Variants in ZNF568 observed in about 807,000 individuals in gnomAD.
The protein encoded by ZNF568 is zinc finger protein 568, also known as p53 inhibitor of SCO2 activation.
A neutral mutation model predicts 18.1 loss-of-function variants in ZNF568; 11 were observed. The ratio of observed to expected loss-of-function variants is 0.61; its 90% CI spans 0.38 to 1.00. ZNF568 has a LOEUF of 1.00. ZNF568 is among the 50% of genes least tolerant of loss of function. The pLI, the probability that ZNF568 is intolerant of heterozygous loss-of-function variation, is 0.01. For missense variants in ZNF568, 639 were observed against 768.2 expected (o/e 0.83, Z 1.99); for synonymous variants, 213 against 246.6 (o/e 0.86, Z 1.28).
chr19:36,986,156 T>A lies in ZNF568; in HGVS notation c.10-5020T>A, dbSNP rs1380452119. On this transcript the variant is annotated intron_variant, in intron 2 of 4. Coordinates refer to the ZNF568 transcript ENST00000433993. ...GTGAGGGCTGGCTTGTAGTTACAGT[T>A]CCTCAGAGGAAAATGTTTCCCTTCT... Among the ~76,000 whole-genome samples the A allele has an allele frequency of 2.6e-5, 4 of 152,152 alleles. No individual in the cohort carries two copies. The East Asian group carries it at 7.7e-4, about 29-fold the overall frequency.
At chr19:36,974,351 T>G in intron 6 of ZNF568, 1 of 1,391,658 alleles carries the variant, frequency 7.2e-7, no homozygotes, top group Non-Finnish European at 9.8e-7. Context: ...GGCAGGAGTT[T>G]GGCCTCCCAA....
intron 7 of ZNF568, chr19:36,976,265 C>T (rs1600847117): frequency 6.6e-6 from 1 of 151,716 alleles, no homozygotes; most frequent in Non-Finnish European, 1.5e-5. Flanking sequence ...ATACTACTAA[C>T]AGAAGTAGCT....
rs768811390 is a variant in ZNF568 at position 36,937,182 on chromosome 19, T to C, written c.298T>C (p.Leu100=). 9 of 1,613,948 alleles carry C rather than the reference T, an allele frequency of 5.6e-6. No individual in the cohort carries two copies. The highest frequency in any genetic ancestry group is 6.8e-6 in the Non-Finnish European group (8 of 1,179,964). Residue 100 remains leucine, a synonymous_variant, in exon 6 of 7, where the codon TTG becomes CTG. Coordinates refer to ENST00000333987, the MANE Select transcript of ZNF568 (RefSeq NM_198539.4). ...QVTKPDVIFK[L]EQEEEPWVME... The stretch of plus-strand genomic sequence containing the variant: ...CACCAAACCGGATGTGATATTCAAG[T>C]TGGAGCAAGAAGAGGAGCCCTGGGT...
At chr19:36,927,856 GTGTGTA>G (rs1436050364) in intron 4 of ZNF568, among the ~76,000 whole-genome samples, 2 of 31,268 alleles carry the variant, frequency 6.4e-5, no homozygotes, top group Admixed American at 4.5e-4. Context: ...GTGTGTGTGT[GTGTGTA>G]TATATATATA....
chr19:36,966,178 C>T (rs1042057943), intron 6 of ZNF568, among the ~76,000 whole-genome samples: 2 of 151,968 alleles, frequency 1.3e-5, no homozygotes, highest in East Asian at 2.0e-4. Context: ...CCCAACTACT[C>T]GGGTGGCTGA....
intron 2 of ZNF568, among the ~76,000 whole-genome samples, chr19:36,985,596 C>G (rs572632610): frequency 2.0e-5 from 3 of 152,328 alleles, no homozygotes; most frequent in African/African-American, 7.2e-5. Flanking sequence ...GATCTTGGCT[C>G]ACTGCAGCCT....
intron 6 of ZNF568, among the ~76,000 whole-genome samples, chr19:36,958,060 ATG>A (rs2074120797): frequency 6.6e-6 from 1 of 152,106 alleles, no homozygotes; most frequent in South Asian, 2.1e-4. Context: ...TAGCCTCTTG[ATG>A]TTATGAATGA....
chr19:36,925,348 A>C, intron 4 of ZNF568, 90 bp downstream of exon 4: 1 of 1,148,518 alleles, frequency 8.7e-7, no homozygotes, highest in Non-Finnish European at 1.3e-6. Flanking sequence ...TGGAAAAAAT[A>C]AATTGATGAA....
In ZNF568 at chr19:36,927,494, C is replaced by G. The variant is rs568686838; in HGVS notation, c.135+2236C>G. On this transcript the variant is annotated intron_variant, in intron 4 of 6. Transcript: ENST00000333987. The stretch of plus-strand genomic sequence containing the variant: ...TTTGTGATGCCACCTTTACTGTATA[C>G]ATACATGATGGTTTCTAGGCTTTTA... 2.6e-5 allele frequency among the ~76,000 whole-genome samples: 4 copies of G among 152,144 alleles called. No individual in the cohort carries two copies. In the East Asian group the frequency reaches 7.7e-4, roughly 29 times the overall value.
chr19:36,925,116 T>C, intron 3 of ZNF568, 84 bp from the exon 4 acceptor site: 1 of 1,208,672 alleles, frequency 8.3e-7, no homozygotes, highest in East Asian at 2.3e-5. Context: ...CTGTAGAGGG[T>C]CTTCTAGCCA....
At chr19:36,922,988 T>C in intron 3 of ZNF568, 142 bp downstream of exon 3, 1 of 643,552 alleles carries the variant, frequency 1.6e-6, no homozygotes, top group East Asian at 2.8e-5. Flanking sequence ...TTTAATCATA[T>C]TCATTTGACT....
intron 2 of ZNF568, among the ~76,000 whole-genome samples, chr19:36,988,546 G>C (rs929280468): frequency 1.3e-5 from 2 of 152,084 alleles, no homozygotes; most frequent in South Asian, 4.1e-4. Flanking sequence ...GCCAGATCTC[G>C]TCAGAACTTA....
intron 7 of ZNF568, among the ~76,000 whole-genome samples, chr19:36,975,425 C>T (rs928947437): frequency 5.4e-5 from 8 of 147,962 alleles, no homozygotes; most frequent in East Asian, 2.0e-4. Flanking sequence ...CTTGCTCTGT[C>T]GCCAGTTAGG....
chr19:36,942,598 C>CA (rs1157835192), intron 6 of ZNF568, among the ~76,000 whole-genome samples: 28,843 of 67,590 alleles, frequency 0.43, 4,787 homozygotes, highest in Non-Finnish European at 0.45. Context: ...GACTCCGTCT[C>CA]AAAAAAAAAA....
Position 36,949,703 on chromosome 19 carries a change from G to C in ZNF568, c.550G>C (p.Gly184Arg), listed in dbSNP as rs2074024745. Residue 184 changes from glycine to arginine, a missense_variant, in exon 7 of 7, where the codon GGT becomes CGT. By Grantham distance (125) the Gly-to-Arg change is moderately radical. Transcript: ENST00000333987. ...SFYDCDSLDK[G>R]LEHNLDLLRY... ...CTATGACTGTGACTCACTTGATAAG[G>C]GTTTGGAACATAATTTAGACTTACT... 20 of 1,613,802 alleles carry C rather than the reference G, an allele frequency of 1.2e-5. No homozygotes were observed. Among genetic ancestry groups the C allele is most frequent in the Non-Finnish European group, 1.7e-5 (20 of 1,179,842 alleles).
At chr19:36,968,543 CAA>C (rs59549359) in intron 6 of ZNF568, among the ~76,000 whole-genome samples, 24 of 93,998 alleles carry the variant, frequency 2.6e-4, no homozygotes, top group East Asian at 1.8e-3. Context: ...ACTCTGTCTC[CAA>C]AAAAAAAAAA....
At chr19:36,945,231 G>C (rs188160966) in intron 6 of ZNF568, among the ~76,000 whole-genome samples, 89 of 151,308 alleles carry the variant, frequency 5.9e-4, no homozygotes, top group African/African-American at 2.1e-3. Flanking sequence ...GTGTGTGTGT[G>C]TGTGTGTGTG....
chr19:36,975,681 CTTTTTTTT>C (rs1193440344), intron 7 of ZNF568, among the ~76,000 whole-genome samples: 2 of 75,802 alleles, frequency 2.6e-5, no homozygotes, highest in South Asian at 5.2e-4. Context: ...CGCGCCAAGA[CTTTTTTTT>C]TTTTTTTTTT....
intron 6 of ZNF568, chr19:36,974,396 C>T (rs2074263556): frequency 2.0e-6 from 3 of 1,535,504 alleles, no homozygotes; most frequent in Non-Finnish European, 2.6e-6. Context: ...GGCTTCTTAA[C>T]GTTTTTCCAC....
Sources: gnomAD v4.1 joint callset for allele counts (sites outside exome capture counted in the v4.1 genomes callset) on GRCh38, gnomAD v4.1.1 for gene constraint, MANE v1.5 for transcripts, NCBI Gene and HGNC (gene_info 2026-07-23, HGNC 2026-07-21) for gene names.